Variants in EIF5B observed in about 807,000 individuals in gnomAD.
EIF5B encodes the protein eukaryotic translation initiation factor 5B.
EIF5B carries 47 observed loss-of-function variants against 147.5 expected under a neutral mutation model. The observed-to-expected ratio is 0.32, with a 90% confidence interval of 0.25 to 0.41. The LOEUF (loss-of-function observed/expected upper bound fraction) is 0.41. Among genes scored for constraint, EIF5B ranks in the 10% least tolerant of loss-of-function variants. The pLI is 1.00. For missense variants in EIF5B, 1,064 were observed against 1,413.2 expected, an observed-to-expected ratio of 0.75 and a Z score of 3.96; for synonymous variants, 455 against 456.2, an observed-to-expected ratio of 1.00 and a Z score of 0.03.
intron 6 of EIF5B, among the ~76,000 whole-genome samples, chr2:99,366,882 A>G (rs1674339040): frequency 6.6e-6 from 1 of 152,236 alleles, no homozygotes; most frequent in Non-Finnish European, 1.5e-5. Context: ...AAAGATAGAC[A>G]AACAGATAAA....
chr2:99,373,752 C>T (rs796294955), intron 9 of EIF5B, among the ~76,000 whole-genome samples: 44 of 152,184 alleles, frequency 2.9e-4, no homozygotes, highest in African/African-American at 9.6e-4. Context: ...CTTACTAAGT[C>T]GTTTTTTGTT....
At position 99,379,143 on chromosome 2, in the gene EIF5B, T is replaced by C. The variant is rs542041085; in HGVS notation, c.1950+17T>C. The C allele has an allele frequency of 2.1e-4, 335 of 1,570,898 alleles. 4 individuals carry two copies. In the South Asian group the frequency reaches 3.9e-3, roughly 18 times the overall value. ...CTAGATAAGGTAAGAAAGTATTAAA[T>C]GTATTGATAGAACTTTGAAAATAAG... On this transcript the variant is annotated intron_variant, in intron 11 of 23. Transcript: ENST00000289371.
chr2:99,367,744 T>G (rs981275730), intron 6 of EIF5B, among the ~76,000 whole-genome samples: 13 of 152,242 alleles, frequency 8.5e-5, no homozygotes, highest in African/African-American at 2.9e-4. Flanking sequence ...CGTGAGCCAT[T>G]GCGCCTGGCC....
At chr2:99,360,667 G>A in intron 3 of EIF5B, 118 bp downstream of exon 3, 3 of 884,440 alleles carry the variant, frequency 3.4e-6, no homozygotes, top group Non-Finnish European at 4.9e-6. Flanking sequence ...TTATTTAAAA[G>A]CTTCTATGAA....
chr2:99,396,957 G>T (rs1675062883), intron 22 of EIF5B, 59 bp downstream of exon 22: 2 of 1,545,922 alleles, frequency 1.3e-6, no homozygotes, highest in Admixed American at 4.1e-5. Flanking sequence ...GAGTGTCCAA[G>T]AGTCGTACCA....
intron 14 of EIF5B, among the ~76,000 whole-genome samples, chr2:99,385,090 A>G (rs905707613): frequency 1.3e-5 from 2 of 152,050 alleles, no homozygotes; most frequent in Non-Finnish European, 2.9e-5. Flanking sequence ...CTTGTTGCCC[A>G]GGCTGGAGTG....
chr2:99,376,591 G>C lies in EIF5B; in HGVS notation c.1797G>C (p.Arg599=), dbSNP rs1220342681. 6.2e-7 allele frequency: 1 copy of C among 1,612,746 alleles called. No individual in the cohort carries two copies. The highest frequency in any genetic ancestry group is 1.3e-5 in the African/African-American group (1 of 74,744). The change falls in exon 10 of 24, where the codon CGG becomes CGC. Residue 599 remains arginine, a synonymous_variant. Transcript: ENST00000289371. The part of the protein sequence containing the change: ...SDSEYDSDDD[R]TKEERAYDKA... ...CTGAATATGACTCTGATGATGATCG[G>C]ACTAAAGAAGAAAGGGCTTATGACA...
rs756830942 is a variant in EIF5B, at chr2:99,396,649, T to C, written c.3255-111T>C. On this transcript the variant is annotated intron_variant, in intron 21 of 23. Transcript: ENST00000289371. ...CTGCCTGCCCCTCTCCTGTGGCCGC[T>C]GGGGAAAGCTGCTTTCCTCTAATGG... is the stretch of plus-strand genomic sequence containing the variant. The C allele has an allele frequency of 1.4e-4, 196 of 1,368,022 alleles. 1 individual carries two copies. The highest frequency in any genetic ancestry group is 1.8e-4 in the Non-Finnish European group (183 of 1,019,080). The allele number at this position is 1,368,022 out of a possible 1,614,324, so 84.7% of individuals were successfully genotyped here.
In EIF5B at chr2:99,381,665, A is replaced by G. The variant is rs1398038470; in HGVS notation, c.2062-494A>G. On this transcript the variant is annotated intron_variant, in intron 12 of 23. Transcript: ENST00000289371. The stretch of plus-strand genomic sequence containing the variant: ...CTTTTGTCCAGAAAGTCAAGCATTT[A>G]TGACGTTATTTGAATACAACAGGGT... Among the ~76,000 whole-genome samples the G allele has an allele frequency of 3.3e-5, 5 of 152,020 alleles. No individual in the cohort carries two copies. The East Asian group carries it at 9.6e-4, about 29-fold the overall frequency.
rs569576501 is a variant in EIF5B at position 99,399,734 on chromosome 2, T to G, written c.*320T>G. 3.7e-6 allele frequency: 1 copy of G among 273,066 alleles called. No homozygotes were observed. Among genetic ancestry groups the G allele is most frequent in the East Asian group, 7.7e-5 (1 of 12,946 alleles). The allele number at this position is 273,066 out of a possible 1,614,324, so 16.9% of individuals were successfully genotyped here. ...TTTTTATTACAGATCTAAAGCTCTT[T>G]CGATTTTATACTGATTAAATCAGTA... On this transcript the variant is annotated 3_prime_UTR_variant, in exon 24 of 24. Transcript: ENST00000289371.
chr2:99,357,445 T>C (rs1674117206), intron 1 of EIF5B, among the ~76,000 whole-genome samples: 1 of 152,226 alleles, frequency 6.6e-6, no homozygotes, highest in African/African-American at 2.4e-5. Flanking sequence ...TAAGTGACAG[T>C]GTATATATTA....
intron 17 of EIF5B, 44 bp from the exon 18 acceptor site, chr2:99,392,923 C>A: frequency 7.3e-7 from 1 of 1,365,662 alleles, no homozygotes; most frequent in South Asian, 2.2e-5. Flanking sequence ...TACTGCTAAC[C>A]ACTTTTAAAG....
At chr2:99,379,539 A>G (rs1674645689) in intron 12 of EIF5B, 111 bp downstream of exon 12, 2 of 747,162 alleles carry the variant, frequency 2.7e-6, no homozygotes, top group Non-Finnish European at 4.2e-6. Flanking sequence ...TATACTCACC[A>G]TTCAGAATTA....
In EIF5B at chr2:99,390,725, A is replaced by T. The variant is rs779779361; in HGVS notation, c.2748+20A>T. 4 of 1,590,688 alleles carry T rather than the reference A, an allele frequency of 2.5e-6. No individual in the cohort carries two copies. The Admixed American group carries it at 6.7e-5, about 27-fold the overall frequency. On this transcript the variant is annotated intron_variant, in intron 17 of 23. Coordinates refer to ENST00000289371, the MANE Select transcript of EIF5B (RefSeq NM_015904.4). ...GTGAAGGTATGCTGAGGTGGGAAGC[A>T]TTGACACGTGGGGACTTGTACAGTG...
chr2:99,398,703 G>A (rs750958439), intron 22 of EIF5B, 45 bp from the exon 23 acceptor site: 10 of 1,566,454 alleles, frequency 6.4e-6, no homozygotes, highest in Non-Finnish European at 8.7e-6. Flanking sequence ...CCTGTGATTG[G>A]CATGAATTCT....
chr2:99,351,000 T>C (rs777277567), intron 1 of EIF5B, among the ~76,000 whole-genome samples: 2 of 152,226 alleles, frequency 1.3e-5, no homozygotes, highest in Non-Finnish European at 2.9e-5. Context: ...AGAAAAAGAT[T>C]ATAGATTTGT....
intron 9 of EIF5B, among the ~76,000 whole-genome samples, chr2:99,373,084 T>C (rs1674487172): frequency 6.6e-6 from 1 of 152,218 alleles, no homozygotes; most frequent in African/African-American, 2.4e-5. Flanking sequence ...ATTGACTCTT[T>C]TATCATTGAT....
intron 16 of EIF5B, 66 bp from the exon 17 acceptor site, chr2:99,390,478 A>G (rs1674901848): frequency 1.9e-6 from 3 of 1,581,340 alleles, no homozygotes; most frequent in East Asian, 2.2e-5. Flanking sequence ...GATATTTACT[A>G]CTTTTAGATT....
At chr2:99,364,854 C>T (rs1207869749) in intron 6 of EIF5B, among the ~76,000 whole-genome samples, 4 of 150,368 alleles carry the variant, frequency 2.7e-5, no homozygotes, top group Non-Finnish European at 5.9e-5. Flanking sequence ...GCCCACATGA[C>T]CACGGTGAAA....
Sources: allele counts gnomAD v4.1 joint callset (sites outside exome capture counted in the v4.1 genomes callset), GRCh38; gene constraint gnomAD v4.1.1; transcripts MANE v1.5; gene names NCBI Gene and HGNC (gene_info 2026-07-23, HGNC 2026-07-21).